Variants in OTOGL observed in about 807,000 individuals in gnomAD.
OTOGL encodes otogelin-like protein.
Under a neutral mutation model 318.5 loss-of-function variants are expected in OTOGL, and 285 were observed. The observed-to-expected ratio is 0.89, with a 90% CI of 0.81 to 0.99. OTOGL has a LOEUF of 0.99. Ranked by LOEUF, OTOGL falls within the 50% of genes least tolerant of loss-of-function variation. OTOGL has a pLI of 0.00. For missense variants in OTOGL, 2,899 were observed against 2,845.6 expected (o/e 1.02, Z -0.43); for synonymous variants, 987 against 936.5 (o/e 1.05, Z -0.99).
intron 1 of OTOGL, among the ~76,000 whole-genome samples, chr12:80,149,656 C>T (rs1238017685): frequency 2.0e-5 from 3 of 152,074 alleles, no homozygotes; most frequent in Non-Finnish European, 4.4e-5. Context: ...GGCGGGCGCC[C>T]CTCCCCCAGC....
At chr12:80,220,254 A>G (rs920528752) in intron 6 of OTOGL, among the ~76,000 whole-genome samples, 2 of 151,936 alleles carry the variant, frequency 1.3e-5, no homozygotes, top group African/African-American at 4.8e-5. Flanking sequence ...CTGCCTCCCA[A>G]CCTCAAGCGA....
Position 80,367,658 on chromosome 12 carries a change from GTGTC to G in OTOGL, c.6432_6435del (p.Cys2144TrpfsTer13). On this transcript the variant is annotated frameshift_variant, in exon 54 of 59. Transcript: ENST00000547103. LOFTEE classifies it high-confidence loss of function. Reference sequence around the variant, plus strand: ...AAGAAGACTTTTGTTATGCTATAGAGTGTCTGGAAGAAAAAGATAACCATACGGG... The same window carrying G: ...AAGAAGACTTTTGTTATGCTATAGAGTGGAAGAAAAAGATAACCATACGGG... The G allele has an allele frequency of 6.7e-7, 1 of 1,499,648 alleles. No homozygotes were observed. The highest frequency in any genetic ancestry group is 2.4e-5 in the East Asian group (1 of 40,970). 92.9% of individuals were successfully genotyped at this position (1,499,648 alleles called of 1,614,324 possible). A position where few individuals can be genotyped will look rare whatever the true frequency, so the allele number is the denominator to read the frequency against.
intron 1 of OTOGL, among the ~76,000 whole-genome samples, chr12:80,118,556 A>G (rs1363389927): frequency 6.6e-6 from 1 of 152,226 alleles, no homozygotes. Context: ...ACAAGAGCTC[A>G]ATCAGTAAAT....
chr12:80,281,297 C>G (rs914471372), intron 26 of OTOGL, among the ~76,000 whole-genome samples: 1 of 151,728 alleles, frequency 6.6e-6, no homozygotes, highest in African/African-American at 2.4e-5. Context: ...TTGGGTCCAG[C>G]TTTTGCCCAT....
At chr12:80,357,180 A>T (rs889244739) in intron 49 of OTOGL, among the ~76,000 whole-genome samples, 2 of 152,178 alleles carry the variant, frequency 1.3e-5, no homozygotes, top group African/African-American at 4.8e-5. Flanking sequence ...TAAGGCCAAT[A>T]CCTTTTTTCG....
At chr12:80,356,221 T>C (rs1331511098) in intron 47 of OTOGL, 195 bp from the exon 48 acceptor site, 1 of 610,368 alleles carries the variant, frequency 1.6e-6, no homozygotes. Context: ...AATAGAAAAA[T>C]GTCAAAGCTG....
chr12:80,217,604 G>T lies in OTOGL; in HGVS notation c.175G>T (p.Ala59Ser). The stretch of plus-strand genomic sequence containing the variant: ...TCATTTCTTTCTTTCAAAGTTTGAA[G>T]CTACTTCTCCGAGATACTTTTTCCA... The part of the protein sequence containing the change: ...KRALLAAQFE[A>S]TSPRYFFHDA... The change falls in exon 5 of 59, where the codon GCT becomes TCT. Residue 59 changes from alanine to serine, a missense_variant. Transcript: ENST00000547103. The T allele has an allele frequency of 1.3e-6, 2 of 1,540,620 alleles. No homozygotes were observed. The highest frequency in any genetic ancestry group is 8.8e-7 in the Non-Finnish European group (1 of 1,138,246).
At chr12:80,209,051 G>A (rs1877033052) in intron 1 of OTOGL, among the ~76,000 whole-genome samples, 1 of 152,108 alleles carries the variant, frequency 6.6e-6, no homozygotes, top group African/African-American at 2.4e-5. Flanking sequence ...TCAACCATTA[G>A]GAATAATGGT....
At chr12:80,335,455 A>T (rs1888329376) in intron 38 of OTOGL, among the ~76,000 whole-genome samples, 1 of 152,072 alleles carries the variant, frequency 6.6e-6, no homozygotes, top group African/African-American at 2.4e-5. Flanking sequence ...TTTATTTATT[A>T]TTTGTTTACC....
Position 80,336,832 on chromosome 12 carries a change from CAA to C in OTOGL, c.4767+14_4767+15del. ...CCTTAAAAAAGCTAGTGAGTATTTG[CAA>C]AGTGTTTAGTACATTCATTCTGTTT... On this transcript the variant is annotated intron_variant, in intron 41 of 58. Transcript: ENST00000547103. The C allele has an allele frequency of 6.5e-7, 1 of 1,533,526 alleles. No individual in the cohort carries two copies. The highest frequency in any genetic ancestry group is 1.2e-5 in the South Asian group (1 of 83,172). The allele number at this position is 1,533,526 out of a possible 1,614,324, so 95.0% of individuals were successfully genotyped here.
chr12:80,135,504 C>A (rs998016438), intron 1 of OTOGL, among the ~76,000 whole-genome samples: 3 of 152,016 alleles, frequency 2.0e-5, no homozygotes, highest in Admixed American at 6.6e-5. Flanking sequence ...AACTCCTGCC[C>A]TCAGGTGATC....
intron 12 of OTOGL, 117 bp downstream of exon 12, chr12:80,251,916 T>C: frequency 1.7e-6 from 2 of 1,187,532 alleles, no homozygotes; most frequent in Non-Finnish European, 2.3e-6. Context: ...GTTATTGAGA[T>C]ATCCATGAAC....
At chr12:80,117,021 G>A in intron 1 of OTOGL, among the ~76,000 whole-genome samples, 1 of 152,202 alleles carries the variant, frequency 6.6e-6, no homozygotes, top group East Asian at 1.9e-4. Flanking sequence ...GATGCAAGGT[G>A]ATCCATTGGC....
At chr12:80,251,832 T>C (rs773257504) in intron 12 of OTOGL, 33 bp downstream of exon 12, 3 of 1,523,222 alleles carry the variant, frequency 2.0e-6, no homozygotes, top group Non-Finnish European at 2.7e-6. Flanking sequence ...CCCTGTGTAC[T>C]TTTGCCAATT....
In OTOGL at chr12:80,271,754, G is replaced by T; in HGVS notation, c.2625G>T (p.Met875Ile). 6.2e-7 allele frequency: 1 copy of T among 1,613,194 alleles called. No individual in the cohort carries two copies. The highest frequency in any genetic ancestry group is 1.1e-5 in the South Asian group (1 of 91,064). ...AGACTACATGTGCAAACCTAGCCAT[G>T]AACTTCACCTGCACCCCATCCTCAC... ...NCETTCANLA[M>I]NFTCTPSSPC... The change falls in exon 24 of 59, where the codon ATG becomes ATT. Residue 875 changes from methionine (M) to isoleucine (I), a missense_variant. By Grantham distance (10) the Met-to-Ile change is conservative (BLOSUM62 1). Coordinates refer to ENST00000547103, the MANE Select transcript of OTOGL (RefSeq NM_001378609.3).
Position 80,334,062 on chromosome 12 carries a change from A to G in OTOGL, c.4422+984A>G, listed in dbSNP as rs573206896. On this transcript the variant is annotated intron_variant, in intron 38 of 58. Coordinates refer to ENST00000547103, the MANE Select transcript of OTOGL (RefSeq NM_001378609.3). The stretch of plus-strand genomic sequence containing the variant: ...GGAATTACACCATCTGAGTAGCTTC[A>G]AGATCATTTTGGCTGGTATATTGTG... Among the ~76,000 whole-genome samples, 13 of 152,282 alleles carry G rather than the reference A, an allele frequency of 8.5e-5. No individual in the cohort carries two copies. In the East Asian group the frequency reaches 2.5e-3, roughly 29 times the overall value.
chr12:80,366,511 T>TTTTATATA (rs1555304841), intron 52 of OTOGL, 63 bp from the exon 53 acceptor site: 2 of 176,346 alleles, frequency 1.1e-5, no homozygotes, highest in African/African-American at 2.5e-5. Flanking sequence ...TATATATAGG[T>TTTTATATA]TATATATATA....
intron 1 of OTOGL, among the ~76,000 whole-genome samples, chr12:80,125,701 T>C (rs1240303419): frequency 6.6e-6 from 1 of 152,210 alleles, no homozygotes; most frequent in East Asian, 1.9e-4. Flanking sequence ...TATTAATTAT[T>C]GCCTCAATTT....
At chr12:80,370,440 G>C (rs1890807990) in intron 55 of OTOGL, 130 bp from the exon 56 acceptor site, 2 of 704,674 alleles carry the variant, frequency 2.8e-6, no homozygotes, top group Non-Finnish European at 4.2e-6. Flanking sequence ...GTCATTTTCA[G>C]ATGGAACATT....
Sources: allele counts gnomAD v4.1 joint callset (sites outside exome capture counted in the v4.1 genomes callset), GRCh38; gene constraint gnomAD v4.1.1; transcripts MANE v1.5; gene names NCBI Gene and HGNC (gene_info 2026-07-23, HGNC 2026-07-21).